The following TCAF1 variants were observed in gnomAD, a reference collection of about 807,000 sequenced individuals.
TCAF1 encodes the protein TRPM8 channel associated factor 1.
Under a neutral mutation model 27.3 loss-of-function variants are expected in TCAF1, and 4 were observed. The ratio of observed to expected loss-of-function variants is 0.15; its 90% CI spans 0.07 to 0.34. The LOEUF is 0.34. Among genes scored for constraint, TCAF1 ranks in the 10% least tolerant of loss-of-function variants. TCAF1 has a pLI of 1.00. For missense variants in TCAF1, 257 were observed against 425.8 expected (o/e 0.60, Z 3.49); for synonymous variants, 105 against 167.1 (o/e 0.63, Z 2.87).
intron 1 of TCAF1, chr7:143,882,779 G>T: frequency 2.0e-6 from 2 of 985,890 alleles, no homozygotes; most frequent in Non-Finnish European, 2.4e-6. Context: ...GGAGCGGGCA[G>T]AGCCTGGCGC....
chr7:143,883,494 C>CTTTT (rs1401266708), intron 1 of TCAF1, among the ~76,000 whole-genome samples: 1 of 105,212 alleles, frequency 9.5e-6, no homozygotes, highest in African/African-American at 4.9e-5. Flanking sequence ...TCTTTCTTTC[C>CTTTT]TTTTTCTTTT....
At chr7:143,879,275 T>A (rs556412042) in intron 1 of TCAF1, among the ~76,000 whole-genome samples, 193 of 152,256 alleles carry the variant, frequency 1.3e-3, no homozygotes, top group South Asian at 8.7e-3. Context: ...TCACTAGTAG[T>A]CAAGTAATGG....
At chr7:143,885,548 A>T (rs552481822) in intron 1 of TCAF1, 1 of 985,420 alleles carries the variant, frequency 1.0e-6, no homozygotes, top group South Asian at 4.7e-5. Flanking sequence ...GATTTGTTTC[A>T]AAGTAAATCG....
At chr7:143,895,433 G>A (rs1813827953) in intron 1 of TCAF1, among the ~76,000 whole-genome samples, 1 of 151,832 alleles carries the variant, frequency 6.6e-6, no homozygotes, top group African/African-American at 2.4e-5. Context: ...CAATTTATGT[G>A]AAGATCAAGA....
At chr7:143,889,474 A>C (rs1813551888) in intron 1 of TCAF1, among the ~76,000 whole-genome samples, 1 of 152,244 alleles carries the variant, frequency 6.6e-6, no homozygotes, top group Admixed American at 6.5e-5. Flanking sequence ...ATGCATCAAG[A>C]TCAGCTGCAG....
At chr7:143,873,646 G>GA (rs1284876938) in intron 2 of TCAF1, among the ~76,000 whole-genome samples, 1 of 143,406 alleles carries the variant, frequency 7.0e-6, no homozygotes, top group Non-Finnish European at 1.5e-5. Flanking sequence ...TTATTTATAA[G>GA]AAAAAATAGA....
intron 2 of TCAF1, among the ~76,000 whole-genome samples, chr7:143,868,788 GT>G (rs1377377211): frequency 3.5e-5 from 1 of 28,718 alleles, no homozygotes; most frequent in Admixed American, 4.9e-4. Context: ...ATTATTCCTT[GT>G]CATGTTCTCA....
At position 143,859,897 on chromosome 7, in the gene TCAF1, T is replaced by TA. The variant is rs1274881822; in HGVS notation, c.2167+310_2167+311insT. ...CATATATACATATATATAATATATATTATATAATATATATTACGGAATATA... is the reference window on the plus strand; with the variant it reads ...CATATATACATATATATAATATATATATATATAATATATATTACGGAATATA... On this transcript the variant is annotated intron_variant, in intron 6 of 8. Transcript: ENST00000479870. Among the ~76,000 whole-genome samples, 515 of 66,814 alleles carry TA rather than the reference T, an allele frequency of 7.7e-3. 32 individuals are homozygous for TA. Among genetic ancestry groups the TA allele is most frequent in the African/African-American group, 0.024 (464 of 19,056 alleles). The allele number at this position is 66,814 out of a possible 152,430, so 43.8% of individuals were successfully genotyped here. A position where few individuals can be genotyped will look rare whatever the true frequency, so the allele number is the denominator to read the frequency against.
At chr7:143,897,593 A>G (rs1326022810) in intron 1 of TCAF1, among the ~76,000 whole-genome samples, 3 of 152,046 alleles carry the variant, frequency 2.0e-5, no homozygotes, top group African/African-American at 7.2e-5. Flanking sequence ...CAATGGTCAA[A>G]TGTATTTATA....
intron 1 of TCAF1, chr7:143,885,038 C>G: frequency 1.0e-6 from 1 of 985,384 alleles, no homozygotes; most frequent in Non-Finnish European, 1.2e-6. Flanking sequence ...AAAAACGCGA[C>G]CACTTTGGCA....
rs544370948 is a variant in TCAF1 at position 143,897,630 on chromosome 7, G to A, written c.-15+4331C>T. Among the ~76,000 whole-genome samples, 19 of 152,034 alleles carry A rather than the reference G, an allele frequency of 1.2e-4. No homozygotes were observed. In the South Asian group the frequency reaches 3.5e-3, roughly 28 times the overall value. Reference sequence around the variant, plus strand: ...ATATTGAATAAACATATACATGTACGTATACTGATACATTCATGTATATGT... The same window carrying A: ...ATATTGAATAAACATATACATGTACATATACTGATACATTCATGTATATGT... On this transcript the variant is annotated intron_variant, in intron 1 of 8. Transcript: ENST00000479870.
chr7:143,901,274 G>A lies in TCAF1; in HGVS notation c.-15+687C>T, dbSNP rs115967532. ...CGATGGTTGGCTGGTCAGCTAGACAGACACATTCTGTCCTTTACGTCTAGT... is the reference window on the plus strand; with the variant it reads ...CGATGGTTGGCTGGTCAGCTAGACAAACACATTCTGTCCTTTACGTCTAGT... On this transcript the variant is annotated intron_variant, in intron 1 of 8. Transcript: ENST00000479870. 2.4e-3 allele frequency among the ~76,000 whole-genome samples: 365 copies of A among 152,352 alleles called. 1 individual carries two copies. The highest frequency in any genetic ancestry group is 7.5e-3 in the African/African-American group (313 of 41,580).
chr7:143,885,540 T>C, intron 1 of TCAF1: 1 of 985,392 alleles, frequency 1.0e-6, no homozygotes, highest in Non-Finnish European at 1.2e-6. Flanking sequence ...AGCAGGACGA[T>C]TTGTTTCAAA....
chr7:143,879,037 C>G (rs1006375987), intron 1 of TCAF1, among the ~76,000 whole-genome samples: 3 of 152,188 alleles, frequency 2.0e-5, no homozygotes, highest in Admixed American at 6.5e-5. Context: ...GCTGGCTGCT[C>G]CCTGGCTTTT....
chr7:143,885,277 G>A (rs774968346), intron 1 of TCAF1: 7 of 985,600 alleles, frequency 7.1e-6, no homozygotes, highest in Non-Finnish European at 8.4e-6. Context: ...GATGTGGGAA[G>A]GCGCTGGGGC....
At chr7:143,881,802 G>C (rs1813041610) in intron 1 of TCAF1, 1 of 152,078 alleles carries the variant, frequency 6.6e-6, no homozygotes, top group Admixed American at 6.6e-5. Context: ...TAATTCTCAA[G>C]TTCCCCAGAG....
chr7:143,874,854 C>A (rs1004776407), intron 2 of TCAF1, among the ~76,000 whole-genome samples: 3 of 152,090 alleles, frequency 2.0e-5, no homozygotes. Flanking sequence ...CAGATCTTTG[C>A]AAATCAGGTT....
At chr7:143,875,197 A>G (rs770986490) in intron 2 of TCAF1, among the ~76,000 whole-genome samples, 17 of 152,168 alleles carry the variant, frequency 1.1e-4, no homozygotes, top group Non-Finnish European at 2.1e-4. Flanking sequence ...GAATGCTGAG[A>G]GTTTTAATAT....
At chr7:143,896,800 G>C (rs1813888126) in intron 1 of TCAF1, among the ~76,000 whole-genome samples, 1 of 151,748 alleles carries the variant, frequency 6.6e-6, no homozygotes, top group East Asian at 1.9e-4. Context: ...AAAAAGTAGT[G>C]ATAGAAATGT....
Sources: gnomAD v4.1 joint callset for allele counts (sites outside exome capture counted in the v4.1 genomes callset) on GRCh38, gnomAD v4.1.1 for gene constraint, MANE v1.5 for transcripts, NCBI Gene and HGNC (gene_info 2026-07-23, HGNC 2026-07-21) for gene names.